Variants in COL26A1 observed in about 807,000 individuals in gnomAD.
COL26A1 encodes collagen alpha-1(XXVI) chain.
COL26A1 carries 41 observed loss-of-function variants against 59.3 expected under a neutral mutation model. The observed-to-expected ratio is 0.69, with a 90% CI of 0.54 to 0.90. COL26A1 has a LOEUF of 0.90. COL26A1 is among the 40% of genes least tolerant of loss of function. COL26A1 has a pLI of 0.00. For synonymous variants in COL26A1, 266 were observed against 256.0 expected, an observed-to-expected ratio of 1.04 and a Z score of -0.37; for missense variants, 612 against 602.3, an observed-to-expected ratio of 1.02 and a Z score of -0.17.
At chr7:101,420,725 A>C (rs1792497274) in intron 2 of COL26A1, among the ~76,000 whole-genome samples, 1 of 88,378 alleles carries the variant, frequency 1.1e-5, no homozygotes, top group African/African-American at 4.5e-5. Context: ...CCTCCCTCTC[A>C]CCAGCCCCGC....
intron 1 of COL26A1, among the ~76,000 whole-genome samples, chr7:101,406,099 G>A (rs1017856756): frequency 3.3e-5 from 5 of 152,214 alleles, no homozygotes; most frequent in African/African-American, 1.2e-4. Flanking sequence ...TCCGTGCTGC[G>A]CCCTGGAAAC....
intron 4 of COL26A1, among the ~76,000 whole-genome samples, chr7:101,533,749 G>A (rs561466203): frequency 1.3e-4 from 20 of 152,260 alleles, no homozygotes; most frequent in East Asian, 7.7e-4. Flanking sequence ...TCCATCCCAC[G>A]CTCCCTCTGG....
At chr7:101,553,571 C>A (rs1275508785) in intron 11 of COL26A1, among the ~76,000 whole-genome samples, 195 bp downstream of exon 11, 1 of 151,866 alleles carries the variant, frequency 6.6e-6, no homozygotes, top group Non-Finnish European at 1.5e-5. Context: ...GCAGTGATTG[C>A]AAGAGAGTGA....
chr7:101,448,075 T>C (rs1793244452), intron 3 of COL26A1, among the ~76,000 whole-genome samples: 3 of 152,224 alleles, frequency 2.0e-5, no homozygotes, highest in African/African-American at 7.2e-5. Flanking sequence ...ATTTGATTTC[T>C]AGCCGGTTTC....
intron 2 of COL26A1, among the ~76,000 whole-genome samples, chr7:101,423,343 T>A (rs1792569475): frequency 6.6e-6 from 1 of 152,284 alleles, no homozygotes; most frequent in Middle Eastern, 3.4e-3. Flanking sequence ...AGCGCCTGAA[T>A]CACTGACCTG....
At chr7:101,456,146 C>G (rs1223520114) in intron 3 of COL26A1, among the ~76,000 whole-genome samples, 1 of 122,660 alleles carries the variant, frequency 8.2e-6, no homozygotes, top group Non-Finnish European at 1.7e-5. Context: ...AATAACATTA[C>G]TGTAAGTATA....
intron 3 of COL26A1, among the ~76,000 whole-genome samples, chr7:101,523,555 TG>T (rs1313171287): frequency 1.3e-5 from 2 of 152,202 alleles, no homozygotes; most frequent in East Asian, 3.8e-4. Context: ...CTTTTGCACG[TG>T]GTATGGATTA....
chr7:101,475,187 C>A (rs1794003042), intron 3 of COL26A1, among the ~76,000 whole-genome samples: 1 of 151,644 alleles, frequency 6.6e-6, no homozygotes, highest in African/African-American at 2.4e-5. Flanking sequence ...CAGAGCAAGA[C>A]TCTGTCTCAA....
chr7:101,488,322 C>T (rs1794311082), intron 3 of COL26A1, among the ~76,000 whole-genome samples: 1 of 142,386 alleles, frequency 7.0e-6, no homozygotes, highest in Non-Finnish European at 1.5e-5. Context: ...TACATTTTAA[C>T]ATTTTAATCC....
intron 2 of COL26A1, among the ~76,000 whole-genome samples, chr7:101,441,459 C>G (rs1793055575): frequency 6.6e-6 from 1 of 151,954 alleles, no homozygotes; most frequent in South Asian, 2.1e-4. Context: ...TTACAGGCGC[C>G]CACCACCATG....
intron 1 of COL26A1, among the ~76,000 whole-genome samples, chr7:101,385,767 C>T (rs894696744): frequency 1.3e-5 from 2 of 151,394 alleles, no homozygotes; most frequent in Admixed American, 6.6e-5. Context: ...TGCAGTGGTG[C>T]GATCTCGGCT....
At chr7:101,511,191 C>T (rs56216541) in intron 3 of COL26A1, among the ~76,000 whole-genome samples, 3,586 of 152,262 alleles carry the variant, frequency 0.024, 58 homozygotes, top group Non-Finnish European at 0.035. Flanking sequence ...CGTGAGCCAC[C>T]GCACCCGGCC....
At chr7:101,506,131 C>T (rs1041885544) in intron 3 of COL26A1, among the ~76,000 whole-genome samples, 1 of 152,224 alleles carries the variant, frequency 6.6e-6, no homozygotes, top group Non-Finnish European at 1.5e-5. Flanking sequence ...TGAAATCACA[C>T]CCATTCAGAG....
Position 101,365,457 on chromosome 7 carries a change from C to T in COL26A1, c.158+2267C>T, listed in dbSNP as rs1029967892. Among the ~76,000 whole-genome samples, 11 of 152,100 alleles carry T rather than the reference C, an allele frequency of 7.2e-5. No individual in the cohort carries two copies. The East Asian group carries it at 7.7e-4, about 11-fold the overall frequency. On this transcript the variant is annotated intron_variant, in intron 1 of 12. Transcript: ENST00000313669. ...CTGTGTTTTTTTTGAGACAGAGTCT[C>T]GCTCTGTCTCCCAGGCTGGAGTGCA...
At chr7:101,549,357 GATTTT>G (rs1795813161) in intron 9 of COL26A1, 134 bp downstream of exon 9, 3 of 568,914 alleles carry the variant, frequency 5.3e-6, no homozygotes, top group South Asian at 2.5e-5. Context: ...TGGCCGGTGA[GATTTT>G]ATTTTATTTT....
intron 3 of COL26A1, among the ~76,000 whole-genome samples, chr7:101,527,262 C>T (rs1795266715): frequency 6.6e-6 from 1 of 152,052 alleles, no homozygotes; most frequent in South Asian, 2.1e-4. Flanking sequence ...TGAGCCACCC[C>T]ACCTGGCCTG....
At chr7:101,541,645 C>A (rs1795620073) in intron 5 of COL26A1, among the ~76,000 whole-genome samples, 1 of 152,138 alleles carries the variant, frequency 6.6e-6, no homozygotes, top group Non-Finnish European at 1.5e-5. Context: ...AGCCACCATG[C>A]TTGGCCCTGG....
intron 2 of COL26A1, among the ~76,000 whole-genome samples, chr7:101,434,144 C>CTCTCGT (rs1792852883): frequency 1.8e-5 from 1 of 55,950 alleles, no homozygotes; most frequent in African/African-American, 7.5e-5. Context: ...TTCTCTGTCT[C>CTCTCGT]TCTTTCTCTC....
chr7:101,552,632 T>C (rs1304323776), intron 10 of COL26A1, among the ~76,000 whole-genome samples: 1 of 149,042 alleles, frequency 6.7e-6, no homozygotes, highest in Non-Finnish European at 1.5e-5. Flanking sequence ...ATTGGCTGGG[T>C]GCGGTGGCTC....
Sources: allele counts gnomAD v4.1 joint callset (sites outside exome capture counted in the v4.1 genomes callset), GRCh38; gene constraint gnomAD v4.1.1; transcripts MANE v1.5; gene names NCBI Gene and HGNC (gene_info 2026-07-23, HGNC 2026-07-21).